Variants in ABCC1 observed in about 807,000 individuals in gnomAD.
ABCC1 encodes multidrug resistance-associated protein 1.
A neutral mutation model predicts 172.9 loss-of-function variants in ABCC1; 83 were observed. That is an observed-to-expected ratio of 0.48 (90% CI 0.40 to 0.58). The LOEUF (loss-of-function observed/expected upper bound fraction) is 0.58. Ranked by LOEUF, ABCC1 falls within the 20% of genes least tolerant of loss-of-function variation. The pLI is 0.00. For synonymous variants in ABCC1, 937 were observed against 825.2 expected, an observed-to-expected ratio of 1.14 and a Z score of -2.32; for missense variants, 1,817 against 2,002.7, an observed-to-expected ratio of 0.91 and a Z score of 1.77.
intron 12 of ABCC1, among the ~76,000 whole-genome samples, chr16:16,066,614 C>T (rs45513498): frequency 0.053 from 8,124 of 151,940 alleles, 308 homozygotes; most frequent in Non-Finnish European, 0.079. Context: ...AAGAATATCT[C>T]TGGGCTGGGC....
chr16:16,129,895 C>T (rs142227304), intron 26 of ABCC1, among the ~76,000 whole-genome samples: 7 of 152,274 alleles, frequency 4.6e-5, no homozygotes, highest in Non-Finnish European at 1.0e-4. Context: ...AAAAGTTGCC[C>T]GGCGTTTTCT....
intron 1 of ABCC1, among the ~76,000 whole-genome samples, chr16:15,960,632 C>T (rs995809940): frequency 1.3e-5 from 2 of 152,052 alleles, no homozygotes; most frequent in Non-Finnish European, 2.9e-5. Flanking sequence ...CAAACTACTA[C>T]GGAGGGATGT....
At chr16:16,071,808 T>C in intron 14 of ABCC1, 79 bp downstream of exon 14, 1 of 1,306,954 alleles carries the variant, frequency 7.7e-7, no homozygotes, top group South Asian at 1.3e-5. Flanking sequence ...TTGCATTTCT[T>C]TCCCTTGGCT....
At chr16:16,072,181 ATTT>A (rs11343915) in intron 14 of ABCC1, among the ~76,000 whole-genome samples, 3 of 144,542 alleles carry the variant, frequency 2.1e-5, no homozygotes. Context: ...TGTTACTTGG[ATTT>A]TTTTTTTTTT....
rs140180441 is a variant in ABCC1 at position 15,953,354 on chromosome 16, G to A, written c.48+3555G>A. The stretch of plus-strand genomic sequence containing the variant: ...AAAAGAAAAAAAAAATTGTGCTTCA[G>A]GCCCTGTGTAGAAAAATTGGAAATT... On this transcript the variant is annotated intron_variant, in intron 1 of 30. Coordinates refer to ENST00000399410, the MANE Select transcript of ABCC1 (RefSeq NM_004996.4). Among the ~76,000 whole-genome samples the A allele has an allele frequency of 4.0e-3, 611 of 152,144 alleles. 3 individuals carry two copies. The highest frequency in any genetic ancestry group is 0.014 in the African/African-American group (575 of 41,522).
At chr16:15,987,301 T>C (rs958460795) in intron 1 of ABCC1, among the ~76,000 whole-genome samples, 1 of 152,236 alleles carries the variant, frequency 6.6e-6, no homozygotes, top group Admixed American at 6.5e-5. Context: ...ATGTTAGTAT[T>C]CCCATTTTAC....
intron 20 of ABCC1, chr16:16,106,514 C>T (rs2052116781): frequency 6.2e-6 from 3 of 486,666 alleles, no homozygotes; most frequent in African/African-American, 5.8e-5. Context: ...CCATGGGTCT[C>T]ATTCCTGCCT....
At chr16:16,045,761 T>C in intron 8 of ABCC1, 75 bp from the exon 9 acceptor site, 1 of 1,450,362 alleles carries the variant, frequency 6.9e-7, no homozygotes, top group Non-Finnish European at 9.5e-7. Flanking sequence ...AAAGTTGCAG[T>C]GCCAACACTG....
chr16:16,045,830 T>C lies in ABCC1; in HGVS notation c.1041-6T>C, dbSNP rs776238127. On this transcript the variant is annotated splice_region_variant and splice_polypyrimidine_tract_variant and intron_variant, in intron 8 of 30. Transcript: ENST00000399410. ...CATTCCAGGCCCTCTCTTTGCTCCT[T>C]TGCAGGTTGCTCATCAAGTTCGTGA... 1 of 1,613,896 alleles carries C rather than the reference T, an allele frequency of 6.2e-7. No homozygotes were observed. Among genetic ancestry groups the C allele is most frequent in the Non-Finnish European group, 8.5e-7 (1 of 1,179,880 alleles).
At chr16:16,054,131 C>T (rs1178434987) in intron 11 of ABCC1, among the ~76,000 whole-genome samples, 5 of 152,056 alleles carry the variant, frequency 3.3e-5, no homozygotes, top group Admixed American at 1.3e-4. Flanking sequence ...CCCACCACCA[C>T]ACCCAGCTAA....
At chr16:16,083,754 C>G (rs141256355) in intron 17 of ABCC1, among the ~76,000 whole-genome samples, 8 of 152,028 alleles carry the variant, frequency 5.3e-5, no homozygotes, top group Non-Finnish European at 1.0e-4. Context: ...TGCTGGGGAC[C>G]GGGGTGAGGG....
At chr16:16,021,794 A>G (rs1274196257) in intron 5 of ABCC1, among the ~76,000 whole-genome samples, 1 of 152,180 alleles carries the variant, frequency 6.6e-6, no homozygotes, top group Non-Finnish European at 1.5e-5. Context: ...AGATGGGGGC[A>G]AGGAAGGGTA....
chr16:16,100,318 A>G (rs562927189), intron 19 of ABCC1, among the ~76,000 whole-genome samples: 4 of 151,952 alleles, frequency 2.6e-5, no homozygotes, highest in African/African-American at 9.7e-5. Flanking sequence ...GGAGAAGTGA[A>G]GGCTGAGGCT....
chr16:16,101,898 C>G (rs1305358912), intron 19 of ABCC1, among the ~76,000 whole-genome samples: 1 of 152,208 alleles, frequency 6.6e-6, no homozygotes, highest in East Asian at 1.9e-4. Context: ...CCCTTGGTGT[C>G]CTTATCAGTG....
At chr16:16,069,775 G>A (rs898471240) in intron 13 of ABCC1, among the ~76,000 whole-genome samples, 3 of 152,112 alleles carry the variant, frequency 2.0e-5, no homozygotes, top group African/African-American at 7.2e-5. Flanking sequence ...TGCAATCCCA[G>A]CATTTTGGGA....
intron 1 of ABCC1, among the ~76,000 whole-genome samples, chr16:15,984,643 A>G (rs2046703474): frequency 6.6e-6 from 1 of 151,888 alleles, no homozygotes; most frequent in Admixed American, 6.6e-5. Flanking sequence ...ATTGGGTTTC[A>G]CCACGTTGGC....
intron 1 of ABCC1, 56 bp from the exon 2 acceptor site, chr16:16,007,760 G>C: frequency 6.6e-7 from 1 of 1,512,016 alleles, no homozygotes; most frequent in Non-Finnish European, 8.9e-7. Flanking sequence ...CTCCAGGCGA[G>C]CTCCTGTCCT....
rs767072123 is a variant in ABCC1, at chr16:16,115,022, G to T, written c.3336G>T (p.Thr1112=). The T allele has an allele frequency of 6.2e-7, 1 of 1,614,200 alleles. No individual in the cohort carries two copies. The highest frequency in any genetic ancestry group is 1.7e-5 in the Admixed American group (1 of 60,020). The part of the protein sequence containing the change: ...IGACIVILLA[T]PIAAIIIPPL... ...CCTGCATCGTTATCCTGCTGGCCAC[G>T]CCCATCGCCGCCATCATCATCCCGC... The change falls in exon 23 of 31, where the codon ACG becomes ACT. Residue 1112 remains threonine (T), a synonymous_variant. Coordinates refer to ENST00000399410, the MANE Select transcript of ABCC1 (RefSeq NM_004996.4).
chr16:16,142,837 C>T lies in ABCC1; in HGVS notation c.*1556C>T, dbSNP rs1395359637. The T allele has an allele frequency of 6.6e-6, 1 of 152,526 alleles. No individual in the cohort carries two copies. Among genetic ancestry groups the T allele is most frequent in the African/African-American group, 2.4e-5 (1 of 41,404 alleles). The allele number at this position is 152,526 out of a possible 1,614,324, so 9.4% of individuals were successfully genotyped here. On this transcript the variant is annotated 3_prime_UTR_variant, in exon 31 of 31. Transcript: ENST00000399410. ...CCCAAAGTGGAATCCGGAAGGCAGC[C>T]AGAGCTGAGGCTGCCCCAAGACTCA...
Sources: allele counts gnomAD v4.1 joint callset (sites outside exome capture counted in the v4.1 genomes callset), GRCh38; gene constraint gnomAD v4.1.1; transcripts MANE v1.5; gene names NCBI Gene and HGNC (gene_info 2026-07-23, HGNC 2026-07-21).